CMTM8: variants seen among roughly 807,000 people sequenced by gnomAD.
The protein encoded by CMTM8 is CKLF like MARVEL transmembrane domain containing 8.
A neutral mutation model predicts 18.6 loss-of-function variants in CMTM8; 12 were observed. The ratio of observed to expected loss-of-function variants is 0.65; its 90% CI spans 0.41 to 1.05. The LOEUF (loss-of-function observed/expected upper bound fraction) is 1.05, where lower values mean the gene tolerates loss of function less well. CMTM8 is among the 50% of genes least tolerant of loss of function. CMTM8 has a pLI of 0.00. For missense variants in CMTM8, 217 were observed against 227.2 expected (o/e 0.95, Z 0.29); for synonymous variants, 87 against 90.6 (o/e 0.96, Z 0.23).
Position 32,241,753 on chromosome 3 carries a change from G to C in CMTM8, c.147+2634G>C, listed in dbSNP as rs563167260. Among the ~76,000 whole-genome samples, 87 of 152,348 alleles carry C rather than the reference G, an allele frequency of 5.7e-4. 1 individual carries two copies. Among genetic ancestry groups the C allele is most frequent in the African/African-American group, 2.1e-3 (86 of 41,582 alleles). ...TCAGGTGATTTGGGTTAGATCAGCA[G>C]CCAGTGTTGACCTATGACACTGTAA... On this transcript the variant is annotated intron_variant, in intron 1 of 3. Coordinates refer to ENST00000307526, the MANE Select transcript of CMTM8 (RefSeq NM_178868.5).
rs577804479 is a variant in CMTM8 at position 32,264,778 on chromosome 3, C to CA, written c.147+25667dup. On this transcript the variant is annotated intron_variant, in intron 1 of 3. Transcript: ENST00000307526. ...GAAGATCTACCAAGCAAATGGAAAGCAAAAAAAAGGCAGGTGTTGCAATCC... is the reference window on the plus strand; with the variant it reads ...GAAGATCTACCAAGCAAATGGAAAGCAAAAAAAAAGGCAGGTGTTGCAATCC... Among the ~76,000 whole-genome samples, 1,076 of 151,156 alleles carry CA rather than the reference C, an allele frequency of 7.1e-3. 10 individuals carry two copies. The highest frequency in any genetic ancestry group is 0.025 in the African/African-American group (1,037 of 41,212).
intron 1 of CMTM8, among the ~76,000 whole-genome samples, chr3:32,299,924 C>G (rs1467819092): frequency 6.6e-6 from 1 of 152,164 alleles, no homozygotes; most frequent in East Asian, 1.9e-4. Context: ...AAAGCAGCCA[C>G]GGGTAATACA....
At chr3:32,263,506 C>T (rs138564962) in intron 1 of CMTM8, among the ~76,000 whole-genome samples, 29 of 152,220 alleles carry the variant, frequency 1.9e-4, no homozygotes, top group African/African-American at 5.8e-4. Flanking sequence ...GGGAAAAAAA[C>T]GAGCAGAAAA....
intron 1 of CMTM8, among the ~76,000 whole-genome samples, chr3:32,320,496 A>G (rs1696023024): frequency 6.6e-6 from 1 of 152,148 alleles, no homozygotes; most frequent in Admixed American, 6.5e-5. Context: ...AGAATGGGGA[A>G]CAGCTGCTAA....
chr3:32,250,397 G>GTACCAAAA (rs1325934249), intron 1 of CMTM8, among the ~76,000 whole-genome samples: 1 of 152,054 alleles, frequency 6.6e-6, no homozygotes, highest in East Asian at 1.9e-4. Flanking sequence ...TTGTCATATA[G>GTACCAAAA]TACCAAAACA....
chr3:32,312,879 T>C (rs913018587), intron 1 of CMTM8, among the ~76,000 whole-genome samples: 7 of 151,852 alleles, frequency 4.6e-5, no homozygotes, highest in African/African-American at 1.7e-4. Flanking sequence ...TAACAAGACT[T>C]TTTTTCACCT....
intron 2 of CMTM8, among the ~76,000 whole-genome samples, chr3:32,363,587 G>C (rs763137782): frequency 6.6e-6 from 1 of 152,210 alleles, no homozygotes; most frequent in Non-Finnish European, 1.5e-5. Flanking sequence ...CAGCAGCTCT[G>C]CCACAGACGA....
intron 1 of CMTM8, among the ~76,000 whole-genome samples, chr3:32,335,422 G>A (rs987647101): frequency 2.0e-5 from 3 of 152,178 alleles, no homozygotes; most frequent in South Asian, 2.1e-4. Flanking sequence ...GTACATCTCC[G>A]GTCGGAAGCA....
intron 1 of CMTM8, among the ~76,000 whole-genome samples, chr3:32,302,060 TG>T (rs1159645422): frequency 6.6e-6 from 1 of 151,348 alleles, no homozygotes; most frequent in Admixed American, 6.6e-5. Flanking sequence ...AGGCCAGACA[TG>T]GTGGCTCATG....
At chr3:32,295,455 C>CAAAAAAAAAAAAAAAAAAAAA (rs1400148634) in intron 1 of CMTM8, among the ~76,000 whole-genome samples, 1 of 27,548 alleles carries the variant, frequency 3.6e-5, no homozygotes, top group Non-Finnish European at 6.5e-5. Flanking sequence ...GACTCCATCT[C>CAAAAAAAAAAAAAAAAAAAAA]AAAAAAAAAA....
chr3:32,292,884 C>A (rs763869133), intron 1 of CMTM8, among the ~76,000 whole-genome samples: 1 of 152,072 alleles, frequency 6.6e-6, no homozygotes. Context: ...GAGGCAAATG[C>A]GAACGTGCAT....
At chr3:32,311,400 A>C (rs1003581464) in intron 1 of CMTM8, among the ~76,000 whole-genome samples, 1 of 152,180 alleles carries the variant, frequency 6.6e-6, no homozygotes, top group Non-Finnish European at 1.5e-5. Flanking sequence ...AGCTTAAAAT[A>C]TTTGCCATCT....
chr3:32,346,024 C>T (rs1224615486), intron 1 of CMTM8, among the ~76,000 whole-genome samples: 1 of 152,148 alleles, frequency 6.6e-6, no homozygotes, highest in Non-Finnish European at 1.5e-5. Flanking sequence ...CGTGGTGGCT[C>T]ATGCCTGTAG....
chr3:32,361,983 G>A (rs2125602304), intron 2 of CMTM8, among the ~76,000 whole-genome samples: 1 of 151,684 alleles, frequency 6.6e-6, no homozygotes, highest in East Asian at 1.9e-4. Context: ...CAAGCCTTGT[G>A]AGCTCCAGAG....
chr3:32,327,552 C>A (rs1432816388), intron 1 of CMTM8, among the ~76,000 whole-genome samples: 1 of 152,144 alleles, frequency 6.6e-6, no homozygotes, highest in Non-Finnish European at 1.5e-5. Context: ...TTGAGACTCC[C>A]AAGCAAAATT....
chr3:32,310,244 T>C (rs1011756276), intron 1 of CMTM8, among the ~76,000 whole-genome samples: 4 of 152,134 alleles, frequency 2.6e-5, no homozygotes, highest in Non-Finnish European at 5.9e-5. Context: ...ATTTGGGAGA[T>C]GGCTCTCCAA....
intron 1 of CMTM8, among the ~76,000 whole-genome samples, chr3:32,304,407 A>T (rs1191639797): frequency 6.6e-6 from 1 of 152,180 alleles, no homozygotes; most frequent in Non-Finnish European, 1.5e-5. Flanking sequence ...TGGAGATGGC[A>T]TGGGGGAAAG....
At chr3:32,277,393 T>A (rs992739705) in intron 1 of CMTM8, among the ~76,000 whole-genome samples, 4 of 151,464 alleles carry the variant, frequency 2.6e-5, no homozygotes, top group Non-Finnish European at 2.9e-5. Flanking sequence ...TTTCTTTTTT[T>A]ATTTTCCTTT....
At chr3:32,369,201 C>T (rs1489808879) in intron 3 of CMTM8, among the ~76,000 whole-genome samples, 1 of 152,048 alleles carries the variant, frequency 6.6e-6, no homozygotes, top group Non-Finnish European at 1.5e-5. Flanking sequence ...GTAATCCCAG[C>T]TACTTGGGAT....
Sources: gnomAD v4.1 joint callset for allele counts (sites outside exome capture counted in the v4.1 genomes callset) on GRCh38, gnomAD v4.1.1 for gene constraint, MANE v1.5 for transcripts, NCBI Gene and HGNC (gene_info 2026-07-23, HGNC 2026-07-21) for gene names.